The following CFAP20DC variants were observed in gnomAD, a reference collection of about 807,000 sequenced individuals.
CFAP20DC encodes the protein CFAP20 domain containing.
In CFAP20DC, 84 loss-of-function variants were observed where a neutral mutation model predicts 101.7. The ratio of observed to expected loss-of-function variants is 0.83; its 90% CI spans 0.69 to 0.99. CFAP20DC has a LOEUF of 0.99. Ranked by LOEUF, CFAP20DC falls within the 50% of genes least tolerant of loss-of-function variation. CFAP20DC has a pLI of 0.00. For missense variants in CFAP20DC, 1,007 were observed against 970.3 expected (o/e 1.04, Z -0.50); for synonymous variants, 359 against 351.2 (o/e 1.02, Z -0.25).
intron 13 of CFAP20DC, among the ~76,000 whole-genome samples, chr3:58,841,395 T>C (rs1050464936): frequency 2.6e-5 from 4 of 152,238 alleles, no homozygotes; most frequent in African/African-American, 4.8e-5. Context: ...TTTTATATAA[T>C]GAAGCAATGC....
intron 4 of CFAP20DC, among the ~76,000 whole-genome samples, chr3:59,029,782 G>A (rs2093955125): frequency 6.6e-6 from 1 of 152,148 alleles, no homozygotes; most frequent in Non-Finnish European, 1.5e-5. Flanking sequence ...AGTGGGGCAG[G>A]CAAATGTGAT....
chr3:59,005,346 C>A (rs2093409587), intron 4 of CFAP20DC, among the ~76,000 whole-genome samples: 1 of 152,168 alleles, frequency 6.6e-6, no homozygotes, highest in Admixed American at 6.5e-5. Context: ...TAACTCCAAC[C>A]TGCCCACAGA....
rs540628894 is a variant in CFAP20DC, at chr3:58,805,884, T to C, written c.2237+511A>G. Reference sequence around the variant, plus strand: ...TTTTGAAATAAAATAATTTTGAGATTATAAACTTTTAAAGTTATGAAAAAA... The same window carrying C: ...TTTTGAAATAAAATAATTTTGAGATCATAAACTTTTAAAGTTATGAAAAAA... On this transcript the variant is annotated intron_variant, in intron 15 of 16. Coordinates refer to ENST00000482387, the MANE Select transcript of CFAP20DC (RefSeq NM_001394063.1). Among the ~76,000 whole-genome samples, 8 of 152,348 alleles carry C rather than the reference T, an allele frequency of 5.3e-5. No homozygotes were observed. In the South Asian group the frequency reaches 1.4e-3, roughly 28 times the overall value.
At chr3:58,922,871 A>G (rs1047811029) in intron 5 of CFAP20DC, among the ~76,000 whole-genome samples, 1 of 151,938 alleles carries the variant, frequency 6.6e-6, no homozygotes, top group African/African-American at 2.4e-5. Flanking sequence ...CAATTTAGCT[A>G]TGTCATATTA....
chr3:58,941,464 A>G lies in CFAP20DC; in HGVS notation c.279-3702T>C, dbSNP rs181882154. The stretch of plus-strand genomic sequence containing the variant: ...TTTGCTTAATTCACTCTTGAGTTCC[A>G]GTAGTTGTTTTGTAGATTCCTGAGG... On this transcript the variant is annotated intron_variant, in intron 4 of 16. Transcript: ENST00000482387. 8.0e-3 allele frequency among the ~76,000 whole-genome samples: 1,219 copies of G among 151,642 alleles called. 15 individuals carry two copies. The highest frequency in any genetic ancestry group is 0.028 in the African/African-American group (1,143 of 41,350).
chr3:59,029,053 C>T (rs774928941), intron 4 of CFAP20DC, among the ~76,000 whole-genome samples: 19 of 152,172 alleles, frequency 1.2e-4, no homozygotes, highest in Non-Finnish European at 2.8e-4. Context: ...GTTATCATAA[C>T]ATTCATCAAG....
Position 58,849,365 on chromosome 3 carries a change from A to G in CFAP20DC, c.1638T>C (p.Pro546=), listed in dbSNP as rs765142537. 2.0e-6 allele frequency: 3 copies of G among 1,535,876 alleles called. No individual in the cohort carries two copies. In the South Asian group the frequency reaches 3.6e-5, roughly 18 times the overall value. ...IQGSRGPTTG[P]SELTQLTLES... ...CTAATGTTAACTGAGTTAACTCTGA[A>G]GGACCAGTTGTTGGGCCTCGAGAAC... is the stretch of plus-strand genomic sequence containing the variant. The change falls in exon 13 of 17, where the codon CCT becomes CCC. Residue 546 remains proline (P), a synonymous_variant. Coordinates refer to ENST00000482387, the MANE Select transcript of CFAP20DC (RefSeq NM_001394063.1).
intron 14 of CFAP20DC, among the ~76,000 whole-genome samples, chr3:58,810,908 T>C (rs372143388): frequency 4.6e-5 from 7 of 151,628 alleles, no homozygotes; most frequent in Non-Finnish European, 7.4e-5. Context: ...TATACACCAA[T>C]AACAGGCAAA....
intron 4 of CFAP20DC, among the ~76,000 whole-genome samples, chr3:58,949,262 G>T (rs1448849631): frequency 6.6e-6 from 1 of 151,722 alleles, no homozygotes; most frequent in Non-Finnish European, 1.5e-5. Context: ...TTTTTTGAAG[G>T]TTTTTTTTGT....
chr3:58,743,409 TGA>T (rs2067990312), intron 16 of CFAP20DC, among the ~76,000 whole-genome samples: 4 of 152,322 alleles, frequency 2.6e-5, no homozygotes, highest in African/African-American at 9.6e-5. Flanking sequence ...GTTCAGGGAC[TGA>T]GAGGTCAAGA....
chr3:59,037,205 C>T (rs569060902), intron 4 of CFAP20DC, among the ~76,000 whole-genome samples: 1 of 152,252 alleles, frequency 6.6e-6, no homozygotes, highest in Non-Finnish European at 1.5e-5. Flanking sequence ...CAATACCATT[C>T]AGGACATAGG....
rs149782984 is a variant in CFAP20DC, at chr3:58,908,380, T to C, written c.550+5328A>G. On this transcript the variant is annotated intron_variant, in intron 6 of 16. Transcript: ENST00000482387. ...TCCTTCCCTTCTCTCATCCTTCTAATATGATTTTTCATAATTTTTGGATAA... is the reference window on the plus strand; with the variant it reads ...TCCTTCCCTTCTCTCATCCTTCTAACATGATTTTTCATAATTTTTGGATAA... 3.5e-4 allele frequency among the ~76,000 whole-genome samples: 53 copies of C among 152,306 alleles called. No homozygotes were observed. In the East Asian group the frequency reaches 9.8e-3, roughly 28 times the overall value.
chr3:58,975,542 C>CTT (rs2092228815), intron 4 of CFAP20DC, among the ~76,000 whole-genome samples: 2 of 152,106 alleles, frequency 1.3e-5, no homozygotes, highest in South Asian at 4.2e-4. Context: ...TTCTATACAG[C>CTT]ATAATCTTAG....
chr3:58,751,820 G>A (rs1014907154), intron 16 of CFAP20DC, among the ~76,000 whole-genome samples: 2 of 148,572 alleles, frequency 1.3e-5, no homozygotes, highest in African/African-American at 5.2e-5. Context: ...AGAACTTTGT[G>A]TCTCAGTTTC....
chr3:58,756,674 T>C (rs1265120019), intron 15 of CFAP20DC, among the ~76,000 whole-genome samples: 3 of 152,062 alleles, frequency 2.0e-5, no homozygotes, highest in African/African-American at 7.2e-5. Context: ...CCTCATAACT[T>C]CTACTCTATT....
chr3:58,862,149 C>T (rs1177790740), intron 12 of CFAP20DC: 5 of 957,324 alleles, frequency 5.2e-6, no homozygotes, highest in South Asian at 9.7e-5. Context: ...CAGAGAACTA[C>T]CATTTCCCAC....
chr3:58,784,029 A>G (rs1384152155), intron 15 of CFAP20DC, among the ~76,000 whole-genome samples: 1 of 149,278 alleles, frequency 6.7e-6, no homozygotes, highest in Non-Finnish European at 1.5e-5. Flanking sequence ...AGGGGTACCT[A>G]TTGTTTCTAT....
intron 4 of CFAP20DC, among the ~76,000 whole-genome samples, chr3:58,939,299 G>C (rs2088164196): frequency 6.6e-6 from 1 of 152,036 alleles, no homozygotes. Flanking sequence ...GGTCTCTTCT[G>C]TAAGTTCTCA....
At chr3:58,794,854 G>A (rs1203412603) in intron 15 of CFAP20DC, among the ~76,000 whole-genome samples, 1 of 152,130 alleles carries the variant, frequency 6.6e-6, no homozygotes, top group Non-Finnish European at 1.5e-5. Context: ...AATACTCATC[G>A]AGCGTTGCTG....
Sources: allele counts gnomAD v4.1 joint callset (sites outside exome capture counted in the v4.1 genomes callset), GRCh38; gene constraint gnomAD v4.1.1; transcripts MANE v1.5; gene names NCBI Gene and HGNC (gene_info 2026-07-23, HGNC 2026-07-21).